Variants in PDE1C observed in about 807,000 individuals in gnomAD.
PDE1C encodes the protein dual specificity calcium/calmodulin-dependent 3',5'-cyclic nucleotide phosphodiesterase 1C.
PDE1C carries 62 observed loss-of-function variants against 93.1 expected under a neutral mutation model. The ratio of observed to expected loss-of-function variants is 0.67; its 90% confidence interval spans 0.54 to 0.82. The LOEUF (loss-of-function observed/expected upper bound fraction) is 0.82. Ranked by LOEUF, PDE1C falls within the 40% of genes least tolerant of loss-of-function variation. The pLI is 0.00. For missense variants in PDE1C, 742 were observed against 884.6 expected (o/e 0.84, Z 2.04); for synonymous variants, 325 against 310.1 (o/e 1.05, Z -0.50).
chr7:31,768,849 T>C (rs1223127635), intron 17 of PDE1C, among the ~76,000 whole-genome samples: 1 of 152,060 alleles, frequency 6.6e-6, no homozygotes, highest in Non-Finnish European at 1.5e-5. Context: ...AGGCTGGAGT[T>C]CAATGGTACA....
In PDE1C at chr7:31,759,557, A is replaced by G. The variant is rs1056698179; in HGVS notation, c.1961-6004T>C. ...TCTTAGAACAATTTGCTTGGAGAAA[A>G]TGATCTAATTAGTTAATGAAGATTG... On this transcript the variant is annotated intron_variant, in intron 17 of 17. Transcript: ENST00000396191. Among the ~76,000 whole-genome samples, 22 of 152,352 alleles carry G rather than the reference A, an allele frequency of 1.4e-4. No homozygotes were observed. The East Asian group carries it at 4.2e-3, about 29-fold the overall frequency.
chr7:32,205,525 G>A (rs567939217), intron 2 of PDE1C, among the ~76,000 whole-genome samples: 107 of 152,196 alleles, frequency 7.0e-4, no homozygotes, highest in African/African-American at 2.5e-3. Flanking sequence ...TCTGTAAAAC[G>A]GACCAATCAG....
the PDE1C span, among the ~76,000 whole-genome samples, chr7:31,662,195 T>C: frequency 6.6e-6 from 1 of 152,250 alleles, no homozygotes; most frequent in African/African-American, 2.4e-5. Flanking sequence ...ATGGTCCTGC[T>C]GGTACTAATT....
the PDE1C span, among the ~76,000 whole-genome samples, chr7:31,713,839 T>C: frequency 2.0e-3 from 304 of 152,298 alleles, 2 homozygotes; most frequent in African/African-American, 7.1e-3. Context: ...CTGGAGAGGC[T>C]GGGATGCAGA....
chr7:31,984,652 A>G (rs922291236), intron 2 of PDE1C, among the ~76,000 whole-genome samples: 1 of 152,220 alleles, frequency 6.6e-6, no homozygotes. Context: ...GGTTTTGCCT[A>G]GAAGATTTAG....
chr7:32,397,634 T>A (rs993292275), intron 1 of PDE1C, among the ~76,000 whole-genome samples: 26 of 152,198 alleles, frequency 1.7e-4, no homozygotes, highest in African/African-American at 6.0e-4. Context: ...CAACTTTATT[T>A]GTAATTGCAA....
chr7:31,873,778 G>GT (rs1796219749), intron 5 of PDE1C, among the ~76,000 whole-genome samples: 1 of 152,162 alleles, frequency 6.6e-6, no homozygotes, highest in African/African-American at 2.4e-5. Flanking sequence ...CCCAAGGTGC[G>GT]TAAGTGCTAG....
intron 2 of PDE1C, among the ~76,000 whole-genome samples, chr7:31,988,341 C>G (rs1027207477): frequency 1.3e-5 from 2 of 152,140 alleles, no homozygotes; most frequent in Non-Finnish European, 2.9e-5. Flanking sequence ...GAGCCATGAC[C>G]AAAGGTAATA....
the PDE1C span, among the ~76,000 whole-genome samples, chr7:31,619,844 C>T: frequency 6.6e-6 from 1 of 152,192 alleles, no homozygotes. Flanking sequence ...AGGGAGTTCC[C>T]TTTCCTAGTC....
intron 2 of PDE1C, among the ~76,000 whole-genome samples, chr7:31,943,619 A>G (rs1806155055): frequency 6.6e-6 from 1 of 152,196 alleles, no homozygotes; most frequent in African/African-American, 2.4e-5. Flanking sequence ...AATGACCAGG[A>G]GTATAAACCC....
intron 2 of PDE1C, among the ~76,000 whole-genome samples, chr7:31,964,683 T>C (rs1241468635): frequency 1.3e-5 from 2 of 152,046 alleles, no homozygotes; most frequent in African/African-American, 2.4e-5. Flanking sequence ...GACCCCCGAG[T>C]AGCCTAACTG....
At chr7:31,690,407 G>C in the PDE1C span, among the ~76,000 whole-genome samples, 1 of 152,186 alleles carries the variant, frequency 6.6e-6, no homozygotes, top group Non-Finnish European at 1.5e-5. Context: ...GGACAGAGAG[G>C]GACATATGTT....
chr7:32,366,883 G>A (rs183284692), intron 1 of PDE1C, among the ~76,000 whole-genome samples: 5,570 of 83,744 alleles, frequency 0.067, 281 homozygotes, highest in African/African-American at 0.19. Flanking sequence ...AAAAAAATTA[G>A]CCAGGCATGG....
intron 2 of PDE1C, among the ~76,000 whole-genome samples, chr7:31,996,066 GACACAC>G (rs3078631): frequency 0.085 from 11,762 of 138,562 alleles, 558 homozygotes; most frequent in East Asian, 0.27. Flanking sequence ...TACGCTTCCG[GACACAC>G]ACACACACAC....
intron 5 of PDE1C, among the ~76,000 whole-genome samples, chr7:31,873,641 C>CCTA (rs1302283289): frequency 2.6e-5 from 4 of 152,154 alleles, no homozygotes; most frequent in African/African-American, 9.7e-5. Context: ...TTATTGAGTA[C>CCTA]CTACTGTATG....
At chr7:31,688,070 G>C in the PDE1C span, among the ~76,000 whole-genome samples, 1 of 152,148 alleles carries the variant, frequency 6.6e-6, no homozygotes, top group South Asian at 2.1e-4. Context: ...GATCAATTTA[G>C]ATAGACATAT....
intron 3 of PDE1C, among the ~76,000 whole-genome samples, chr7:32,096,743 T>C (rs1797765089): frequency 6.6e-6 from 1 of 152,070 alleles, no homozygotes; most frequent in Non-Finnish European, 1.5e-5. Flanking sequence ...TACTGCAAGC[T>C]CTGGGGTATG....
At chr7:32,136,798 A>G (rs1367672645) in intron 3 of PDE1C, among the ~76,000 whole-genome samples, 4 of 152,206 alleles carry the variant, frequency 2.6e-5, no homozygotes, top group African/African-American at 9.6e-5. Context: ...ATAATTAAAC[A>G]GAGGAAGTGT....
chr7:31,873,372 T>C lies in PDE1C; in HGVS notation c.529A>G (p.Asn177Asp). ...AGTGCATGATCCCCACTGGCCTCAT[T>C]GAGGGAAAAGACGTCAAAGGACCAC... is the stretch of plus-strand genomic sequence containing the variant. Reference protein sequence around the residue: ...DKWSFDVFSLNEASGDHALKF... With the variant: ...DKWSFDVFSLDEASGDHALKF... Residue 177 changes from asparagine (N) to aspartate (D), a missense_variant, in exon 6 of 18, where the codon AAT (asparagine) becomes GAT (aspartate). Asn to Asp is a conservative substitution (Grantham distance 23, BLOSUM62 1). This residue lies in a region of PDE1C where 205 missense variants were observed against 295.3 expected (regional missense o/e 0.69). Transcript: ENST00000396191. 2.5e-6 allele frequency: 4 copies of C among 1,613,626 alleles called. No individual in the cohort carries two copies. The highest frequency in any genetic ancestry group is 3.4e-6 in the Non-Finnish European group (4 of 1,179,668).
Sources: allele counts gnomAD v4.1 joint callset (sites outside exome capture counted in the v4.1 genomes callset), GRCh38; gene constraint gnomAD v4.1.1; regional missense constraint gnomAD v4.1.1; transcripts MANE v1.5; gene names NCBI Gene and HGNC (gene_info 2026-07-23, HGNC 2026-07-21).